The following TENM2 variants were observed in gnomAD, a reference collection of about 807,000 sequenced individuals.
The protein encoded by TENM2 is teneurin transmembrane protein 2, also known as teneurin-2.
In TENM2, 52 loss-of-function variants were observed where a neutral mutation model predicts 245.2. The observed-to-expected ratio is 0.21, with a 90% CI of 0.17 to 0.27. The LOEUF (loss-of-function observed/expected upper bound fraction) is 0.27, where lower values mean the gene tolerates loss of function less well. Among genes scored for constraint, TENM2 ranks in the 10% least tolerant of loss-of-function variants. The probability of loss-of-function intolerance (pLI) is 1.00; values close to 1 mark genes in which losing one functional copy is unlikely to be tolerated. For missense variants in TENM2, 3,046 were observed against 3,666.8 expected (o/e 0.83, Z 4.37); for synonymous variants, 1,363 against 1,438.9 (o/e 0.95, Z 1.19).
intron 12 of TENM2, among the ~76,000 whole-genome samples, chr5:168,160,789 G>C (rs147722580): frequency 6.6e-6 from 1 of 152,152 alleles, no homozygotes; most frequent in African/African-American, 2.4e-5. Flanking sequence ...GGAGGCTGAG[G>C]CTGAGGCTGG....
At position 168,045,260 on chromosome 5, in the gene TENM2, C is replaced by G. The variant is rs574874267; in HGVS notation, c.1187-2167C>G. Among the ~76,000 whole-genome samples, 814 of 151,954 alleles carry G rather than the reference C, an allele frequency of 5.4e-3. 5 individuals carry two copies. Among genetic ancestry groups the G allele is most frequent in the African/African-American group, 0.019 (783 of 41,420 alleles). Reference sequence around the variant, plus strand: ...CTGTAGTTTTCTTATTTTCAGGATACTTTTAAAAAATAAAAATAAAAAGAT... The same window carrying G: ...CTGTAGTTTTCTTATTTTCAGGATAGTTTTAAAAAATAAAAATAAAAAGAT... On this transcript the variant is annotated intron_variant, in intron 5 of 28. Transcript: ENST00000518659.
intron 2 of TENM2, among the ~76,000 whole-genome samples, chr5:167,859,360 C>A (rs1478852218): frequency 2.4e-4 from 35 of 147,274 alleles, no homozygotes; most frequent in African/African-American, 3.0e-4. Context: ...CCGGCAGCCA[C>A]CCCGTCCGGG....
the TENM2 span, among the ~76,000 whole-genome samples, chr5:167,054,164 G>A: frequency 6.6e-6 from 1 of 152,144 alleles, no homozygotes; most frequent in East Asian, 1.9e-4. Context: ...GAATAGTTTA[G>A]CTGCTGTAAA....
At chr5:167,305,327 A>G (rs2127743183) in intron 1 of TENM2, among the ~76,000 whole-genome samples, 1 of 152,268 alleles carries the variant, frequency 6.6e-6, no homozygotes, top group Admixed American at 6.5e-5. Flanking sequence ...TTTTTAGCCA[A>G]TCCCTGAGTG....
chr5:167,841,267 C>A (rs1769490530), intron 2 of TENM2, among the ~76,000 whole-genome samples: 2 of 152,112 alleles, frequency 1.3e-5, no homozygotes, highest in African/African-American at 2.4e-5. Flanking sequence ...CATGTTGGAG[C>A]AGGCTGATCT....
intron 2 of TENM2, among the ~76,000 whole-genome samples, chr5:167,769,776 A>G (rs1322141759): frequency 1.3e-5 from 2 of 152,202 alleles, no homozygotes; most frequent in African/African-American, 4.8e-5. Flanking sequence ...CTTGAATAGT[A>G]ATACCCAGGC....
intron 10 of TENM2, among the ~76,000 whole-genome samples, chr5:168,120,437 C>A (rs1021133976): frequency 6.6e-6 from 1 of 152,172 alleles, no homozygotes; most frequent in Non-Finnish European, 1.5e-5. Context: ...AAGGTTAAAA[C>A]GACCTTTTGC....
At chr5:167,872,497 A>G (rs1214159124) in intron 2 of TENM2, among the ~76,000 whole-genome samples, 2 of 11,024 alleles carry the variant, frequency 1.8e-4, no homozygotes, top group Non-Finnish European at 6.7e-4. Flanking sequence ...AGAAAGAAAG[A>G]AAGAAAGAAA....
At chr5:167,509,153 G>A (rs1479633037) in intron 2 of TENM2, among the ~76,000 whole-genome samples, 1 of 152,170 alleles carries the variant, frequency 6.6e-6, no homozygotes. Flanking sequence ...ATTTCTCATT[G>A]TGACAAATAA....
intron 2 of TENM2, among the ~76,000 whole-genome samples, chr5:167,518,326 A>G (rs1029109693): frequency 8.5e-5 from 13 of 152,100 alleles, no homozygotes; most frequent in African/African-American, 2.4e-4. Context: ...TCATCCCCAA[A>G]TCAAAACTTA....
intron 2 of TENM2, among the ~76,000 whole-genome samples, chr5:167,827,184 G>A (rs1054198965): frequency 4.6e-5 from 7 of 152,150 alleles, no homozygotes; most frequent in East Asian, 1.9e-4. Context: ...CGGAATAACC[G>A]GCATTGGCTG....
intron 2 of TENM2, among the ~76,000 whole-genome samples, chr5:167,465,134 T>C (rs1253338953): frequency 6.6e-6 from 1 of 152,192 alleles, no homozygotes; most frequent in Non-Finnish European, 1.5e-5. Flanking sequence ...TTGTCTAATA[T>C]CGGTCCTAAG....
At chr5:167,561,322 T>G (rs1773572018) in intron 2 of TENM2, among the ~76,000 whole-genome samples, 1 of 152,126 alleles carries the variant, frequency 6.6e-6, no homozygotes. Context: ...ACATCATAAG[T>G]GAAAGGATAG....
chr5:167,435,376 T>G (rs1025196198), intron 2 of TENM2, among the ~76,000 whole-genome samples: 1 of 152,168 alleles, frequency 6.6e-6, no homozygotes, highest in African/African-American at 2.4e-5. Flanking sequence ...TCTCACAAGA[T>G]CTGATGGTTT....
chr5:167,403,904 T>G lies in TENM2; in HGVS notation c.502+28431T>G, dbSNP rs202016735. On this transcript the variant is annotated intron_variant, in intron 2 of 28. Transcript: ENST00000518659. ...CTTTATAGCATGATGCCACAACTGT[T>G]TTTTTTTTTTTTAAGTAATTTTTTC... Among the ~76,000 whole-genome samples, 3 of 80,720 alleles carry G rather than the reference T, an allele frequency of 3.7e-5. No homozygotes were observed. The East Asian group carries it at 1.3e-3, about 35-fold the overall frequency. The allele number at this position is 80,720 out of a possible 152,430, so 53.0% of individuals were successfully genotyped here.
At chr5:167,872,544 GAAA>G (rs1773047047) in intron 2 of TENM2, among the ~76,000 whole-genome samples, 1 of 48,808 alleles carries the variant, frequency 2.0e-5, no homozygotes, top group Admixed American at 1.7e-4. Context: ...AAGAAAGAAA[GAAA>G]GAGAAAGAAA....
intron 12 of TENM2, among the ~76,000 whole-genome samples, chr5:168,153,380 AG>A (rs1449991995): frequency 6.6e-6 from 1 of 152,224 alleles, no homozygotes; most frequent in East Asian, 1.9e-4. Flanking sequence ...TAGAATTATG[AG>A]GAGTGCTACA....
intron 7 of TENM2, among the ~76,000 whole-genome samples, chr5:168,082,226 C>T (rs1792068124): frequency 6.6e-6 from 1 of 152,200 alleles, no homozygotes; most frequent in Admixed American, 6.5e-5. Flanking sequence ...ATCGAATCAG[C>T]TACTGAAGCT....
intron 2 of TENM2, among the ~76,000 whole-genome samples, chr5:167,629,917 G>C (rs1778754585): frequency 6.6e-6 from 1 of 151,880 alleles, no homozygotes; most frequent in Admixed American, 6.6e-5. Flanking sequence ...AGGAGGAAGA[G>C]GAGGAGAAAG....
Sources: gnomAD v4.1 joint callset for allele counts (sites outside exome capture counted in the v4.1 genomes callset) on GRCh38, gnomAD v4.1.1 for gene constraint, MANE v1.5 for transcripts, NCBI Gene and HGNC (gene_info 2026-07-23, HGNC 2026-07-21) for gene names.